The following PLCB1 variants were observed in gnomAD, a reference collection of about 807,000 sequenced individuals.
PLCB1 encodes 1-phosphatidylinositol 4,5-bisphosphate phosphodiesterase beta-1.
In PLCB1, 46 loss-of-function variants were observed where a neutral mutation model predicts 161.8. The ratio of observed to expected loss-of-function variants is 0.28; its 90% CI spans 0.22 to 0.36. The LOEUF (loss-of-function observed/expected upper bound fraction) is 0.36. Ranked by LOEUF, PLCB1 falls within the 10% of genes least tolerant of loss-of-function variation. PLCB1 has a pLI of 1.00. For missense variants in PLCB1, 1,016 were observed against 1,472.5 expected (o/e 0.69, Z 5.07); for synonymous variants, 517 against 503.7 (o/e 1.03, Z -0.35).
chr20:8,731,384 T>C (rs1980236922), intron 18 of PLCB1, among the ~76,000 whole-genome samples: 1 of 151,906 alleles, frequency 6.6e-6, no homozygotes, highest in African/African-American at 2.4e-5. Context: ...ATGTTAACTA[T>C]AGTCACCTCC....
intron 9 of PLCB1, among the ~76,000 whole-genome samples, chr20:8,674,482 C>G (rs1191081015): frequency 6.6e-6 from 1 of 152,192 alleles, no homozygotes; most frequent in Non-Finnish European, 1.5e-5. Flanking sequence ...TTACCTCATT[C>G]TTTTCTGGTC....
intron 2 of PLCB1, among the ~76,000 whole-genome samples, chr20:8,331,847 A>G (rs1335483919): frequency 2.0e-5 from 3 of 152,238 alleles, no homozygotes; most frequent in Non-Finnish European, 4.4e-5. Flanking sequence ...ATATGGCTTA[A>G]TATCACTTCA....
intron 3 of PLCB1, among the ~76,000 whole-genome samples, chr20:8,417,666 A>G (rs1248989666): frequency 6.6e-6 from 1 of 152,184 alleles, no homozygotes; most frequent in African/African-American, 2.4e-5. Context: ...ATGATATACA[A>G]TCTAATTCTA....
intron 31 of PLCB1, among the ~76,000 whole-genome samples, chr20:8,879,296 G>GA (rs11470638): frequency 0.018 from 2,541 of 138,468 alleles, 26 homozygotes; most frequent in Admixed American, 0.029. Context: ...TTTTTGATGT[G>GA]AAAAAAAAAA....
intron 2 of PLCB1, among the ~76,000 whole-genome samples, chr20:8,365,499 A>G (rs1172962826): frequency 6.6e-6 from 1 of 152,196 alleles, no homozygotes; most frequent in Non-Finnish European, 1.5e-5. Context: ...CAGGTGGCAG[A>G]CGGTGCAGAG....
intron 3 of PLCB1, among the ~76,000 whole-genome samples, chr20:8,460,190 A>G (rs1376409387): frequency 1.3e-5 from 2 of 152,226 alleles, no homozygotes; most frequent in South Asian, 2.1e-4. Flanking sequence ...TTAGTAATTC[A>G]TAGCATTTTT....
intron 3 of PLCB1, among the ~76,000 whole-genome samples, chr20:8,492,367 A>T (rs1313590861): frequency 2.0e-5 from 3 of 152,108 alleles, no homozygotes; most frequent in African/African-American, 7.2e-5. Flanking sequence ...CATCTTCCAA[A>T]TTGAATTCTG....
intron 31 of PLCB1, among the ~76,000 whole-genome samples, chr20:8,837,598 T>C (rs1365730656): frequency 6.6e-6 from 1 of 152,144 alleles, no homozygotes; most frequent in Non-Finnish European, 1.5e-5. Flanking sequence ...CTTCCCTTGG[T>C]TTAATGTAGA....
intron 2 of PLCB1, among the ~76,000 whole-genome samples, chr20:8,301,033 G>A (rs1447444012): frequency 1.3e-5 from 2 of 152,170 alleles, no homozygotes; most frequent in African/African-American, 4.8e-5. Context: ...CAGAGTCAGG[G>A]CAGGAGTCAG....
chr20:8,816,251 A>G (rs1022461098), intron 31 of PLCB1, among the ~76,000 whole-genome samples: 11 of 152,190 alleles, frequency 7.2e-5, no homozygotes, highest in Non-Finnish European at 1.5e-4. Flanking sequence ...CATTTTCACA[A>G]CTGAAGAATA....
intron 2 of PLCB1, among the ~76,000 whole-genome samples, chr20:8,355,048 C>T (rs1396162294): frequency 6.6e-6 from 1 of 152,086 alleles, no homozygotes; most frequent in Non-Finnish European, 1.5e-5. Context: ...TGAAATGGAA[C>T]CCTAGTTGTA....
At chr20:8,271,325 T>G (rs1248137768) in intron 2 of PLCB1, among the ~76,000 whole-genome samples, 4 of 152,134 alleles carry the variant, frequency 2.6e-5, no homozygotes, top group African/African-American at 9.7e-5. Context: ...GGTTATATGA[T>G]TGAAATTGTT....
At chr20:8,759,700 A>G (rs979217653) in intron 24 of PLCB1, among the ~76,000 whole-genome samples, 5 of 151,962 alleles carry the variant, frequency 3.3e-5, no homozygotes, top group Admixed American at 3.3e-4. Context: ...GGGTTTCGCC[A>G]TGTTGGTCAG....
At chr20:8,327,325 G>A (rs1985196666) in intron 2 of PLCB1, among the ~76,000 whole-genome samples, 1 of 152,188 alleles carries the variant, frequency 6.6e-6, no homozygotes, top group South Asian at 2.1e-4. Flanking sequence ...ATGGGTTACA[G>A]CACCATGTCC....
intron 9 of PLCB1, among the ~76,000 whole-genome samples, chr20:8,684,729 T>C (rs1990316906): frequency 1.3e-5 from 2 of 152,156 alleles, no homozygotes. Context: ...GTGGGGCTCA[T>C]GTAACTACAT....
intron 3 of PLCB1, among the ~76,000 whole-genome samples, chr20:8,522,683 A>G (rs1442178195): frequency 6.6e-6 from 1 of 152,238 alleles, no homozygotes; most frequent in Non-Finnish European, 1.5e-5. Flanking sequence ...AATAGTCTTA[A>G]TTACAATAAG....
At chr20:8,655,880 C>T (rs1989443900) in intron 7 of PLCB1, among the ~76,000 whole-genome samples, 1 of 152,000 alleles carries the variant, frequency 6.6e-6, no homozygotes, top group Non-Finnish European at 1.5e-5. Flanking sequence ...TACAGAGCTC[C>T]TGGTGTCCAC....
intron 31 of PLCB1, among the ~76,000 whole-genome samples, chr20:8,806,180 G>C (rs1984528519): frequency 6.6e-6 from 1 of 152,080 alleles, no homozygotes. Flanking sequence ...CTCCAGCTCT[G>C]TGAAAACAGG....
At chr20:8,177,127 A>G (rs1229099807) in intron 2 of PLCB1, among the ~76,000 whole-genome samples, 1 of 152,158 alleles carries the variant, frequency 6.6e-6, no homozygotes, top group Non-Finnish European at 1.5e-5. Flanking sequence ...CCAAAAAATC[A>G]TATGTTGAAA....
Sources: allele counts gnomAD v4.1 joint callset (sites outside exome capture counted in the v4.1 genomes callset), GRCh38; gene constraint gnomAD v4.1.1; transcripts MANE v1.5; gene names NCBI Gene and HGNC (gene_info 2026-07-23, HGNC 2026-07-21).